Variants in HCN2 observed in about 807,000 individuals in gnomAD.
HCN2 encodes hyperpolarization activated cyclic nucleotide gated potassium and sodium channel 2, also known as potassium/sodium hyperpolarization-activated cyclic nucleotide-gated channel 2.
A neutral mutation model predicts 52.3 loss-of-function variants in HCN2; 20 were observed. That is an observed-to-expected ratio of 0.38 (90% CI 0.27 to 0.56). The LOEUF (loss-of-function observed/expected upper bound fraction) is 0.56, where lower values mean the gene tolerates loss of function less well. HCN2 is among the 20% of genes least tolerant of loss of function. HCN2 has a pLI of 0.71. For missense variants in HCN2, 981 were observed against 1,207.7 expected (o/e 0.81, Z 2.78); for synonymous variants, 694 against 537.0 (o/e 1.29, Z -4.04).
Position 603,808 on chromosome 19 carries a change from C to T in HCN2, c.897C>T (p.Ile299=). ...TWFVVDFVSS[I]PVDYIFLIVE... is the part of the protein sequence containing the mutation. Reference sequence around the variant, plus strand: ...TCGTGGTGGACTTCGTGTCCTCCATCCCCGTGGACTACATCTTCCTTATCG... The same window carrying T: ...TCGTGGTGGACTTCGTGTCCTCCATTCCCGTGGACTACATCTTCCTTATCG... Residue 299 remains isoleucine (I), a synonymous_variant, in exon 2 of 8, where the codon ATC becomes ATT. Transcript: ENST00000251287. The T allele has an allele frequency of 1.2e-6, 2 of 1,612,806 alleles. No homozygotes were observed. The highest frequency in any genetic ancestry group is 1.7e-6 in the Non-Finnish European group (2 of 1,179,864).
At chr19:611,210 T>C (rs1052660696) in intron 5 of HCN2, among the ~76,000 whole-genome samples, 3 of 152,180 alleles carry the variant, frequency 2.0e-5, no homozygotes, top group Non-Finnish European at 4.4e-5. Flanking sequence ...GAGATGTAGT[T>C]CAACCCACAA....
In HCN2 at chr19:605,860, C is replaced by A. The variant is rs144332608; in HGVS notation, c.1218+638C>A. Among the ~76,000 whole-genome samples the A allele has an allele frequency of 3.4e-3, 511 of 150,332 alleles. 25 individuals are homozygous for A. Among genetic ancestry groups the A allele is most frequent in the African/African-American group, 0.012 (470 of 39,726 alleles). On this transcript the variant is annotated intron_variant, in intron 3 of 7. Transcript: ENST00000251287. ...AGGCCCTTCAGGGGTGGGGACAAGA[C>A]CCCCTTACACGGGAGGACTCAGGCC... is the stretch of plus-strand genomic sequence containing the variant.
rs1344614868 is a variant in HCN2 at position 617,081 on chromosome 19, G to A, written c.*607G>A. 1.7e-5 allele frequency: 10 copies of A among 598,424 alleles called. No individual in the cohort carries two copies. Among genetic ancestry groups the A allele is most frequent in the South Asian group, 5.7e-5 (3 of 52,890 alleles). 37.1% of individuals were successfully genotyped at this position (598,424 alleles called of 1,614,324 possible). A position where few individuals can be genotyped will look rare whatever the true frequency, so the allele number is the denominator to read the frequency against. On this transcript the variant is annotated 3_prime_UTR_variant, in exon 8 of 8. Transcript: ENST00000251287. ...AATGTACTGACGAGCCGAGGCAGCA[G>A]TGCCCCCACCGTGGCCCCCCACGCC...
chr19:617,073 A>C lies in HCN2; in HGVS notation c.*599A>C. 1 of 586,810 alleles carries C rather than the reference A, an allele frequency of 1.7e-6. No homozygotes were observed. Among genetic ancestry groups the C allele is most frequent in the Non-Finnish European group, 3.0e-6 (1 of 328,262 alleles). The allele number at this position is 586,810 out of a possible 1,614,324, so 36.4% of individuals were successfully genotyped here. On this transcript the variant is annotated 3_prime_UTR_variant, in exon 8 of 8. Coordinates refer to ENST00000251287, the MANE Select transcript of HCN2 (RefSeq NM_001194.4). ...CCGTGATGAATGTACTGACGAGCCG[A>C]GGCAGCAGTGCCCCCACCGTGGCCC...
Position 590,029 on chromosome 19 carries a change from C to A in HCN2, c.84C>A (p.Pro28=), listed in dbSNP as rs1460647493. Residue 28 remains proline (P), a synonymous_variant, in exon 1 of 8, where the codon CCC becomes CCA. Transcript: ENST00000251287. This position sits in a 1 kb window ranked among gnomAD's most constrained non-coding sequence, Gnocchi z 7.2. The stretch of plus-strand genomic sequence containing the variant: ...CGGGGCCGCCGCCGCCGCCGCCGCC[C>A]GCGCCCCCCCAACAGCAGCCGCCGC... ...PAPGPPPPPP[P]APPQQQPPPP... 3.4e-6 allele frequency: 2 copies of A among 595,340 alleles called. No homozygotes were observed. The highest frequency in any genetic ancestry group is 6.9e-5 in the Admixed American group (1 of 14,396). 36.9% of individuals were successfully genotyped at this position (595,340 alleles called of 1,614,324 possible).
At chr19:602,183 C>T (rs1381268160) in intron 1 of HCN2, among the ~76,000 whole-genome samples, 1 of 120,882 alleles carries the variant, frequency 8.3e-6, no homozygotes, top group African/African-American at 3.1e-5. Context: ...GCGTGGACGC[C>T]CCACTCCCTC....
intron 1 of HCN2, among the ~76,000 whole-genome samples, chr19:599,207 C>G (rs1296449656): frequency 2.6e-5 from 4 of 152,246 alleles, no homozygotes; most frequent in African/African-American, 9.6e-5. Flanking sequence ...TCCTTTTGGA[C>G]CGTTTCCTCG....
At chr19:614,364 TGGGGGTGCA>T (rs1983807856) in intron 7 of HCN2, among the ~76,000 whole-genome samples, 1 of 152,048 alleles carries the variant, frequency 6.6e-6, no homozygotes. Context: ...TGCTGTGTGC[TGGGGGTGCA>T]GGGGACAGAC....
chr19:603,928 C>T lies in HCN2; in HGVS notation c.1017C>T (p.Arg339=), dbSNP rs764239250. ...TKILSLLRLL[R]LSRLIRYIHQ... ...TCCTCAGCCTCCTGCGGCTGCTGCGCCTCTCACGCCTGATCCGCTACATCC... is the reference window on the plus strand; with the variant it reads ...TCCTCAGCCTCCTGCGGCTGCTGCGTCTCTCACGCCTGATCCGCTACATCC... Residue 339 remains arginine (R), a synonymous_variant, in exon 2 of 8, where the codon CGC becomes CGT. Transcript: ENST00000251287. 9.3e-6 allele frequency: 15 copies of T among 1,610,366 alleles called. No homozygotes were observed. The Admixed American group carries it at 2.5e-4, about 27-fold the overall frequency.
intron 2 of HCN2, among the ~76,000 whole-genome samples, 190 bp downstream of exon 2, chr19:604,157 CAAGG>C: frequency 1.8e-5 from 1 of 54,956 alleles, no homozygotes; most frequent in Non-Finnish European, 3.1e-5. Flanking sequence ...TGGGTGGGGT[CAAGG>C]CCCCAGGGAT....
At chr19:605,277 G>T in intron 3 of HCN2, 55 bp downstream of exon 3, 1 of 1,572,340 alleles carries the variant, frequency 6.4e-7, no homozygotes, top group East Asian at 2.3e-5. Flanking sequence ...TACAGAGGGG[G>T]GACCCAGGCC....
In HCN2 at chr19:592,784, G is replaced by A. The variant is rs1052679534; in HGVS notation, c.632+2207G>A. Among the ~76,000 whole-genome samples, 2 of 152,110 alleles carry A rather than the reference G, an allele frequency of 1.3e-5. No individual in the cohort carries two copies. Among genetic ancestry groups the A allele is most frequent in the Admixed American group, 1.3e-4 (2 of 15,272 alleles). ...TATCTCAAAAGCTCCCTAAGCAGGC[G>A]GCCGGACCCTGCTGTGGAGGGTGTT... On this transcript the variant is annotated intron_variant, in intron 1 of 7. Coordinates refer to ENST00000251287, the MANE Select transcript of HCN2 (RefSeq NM_001194.4). This position sits in a 1 kb window ranked among gnomAD's most constrained non-coding sequence, Gnocchi z 4.8.
At chr19:598,965 C>T (rs866182041) in intron 1 of HCN2, among the ~76,000 whole-genome samples, 2 of 152,026 alleles carry the variant, frequency 1.3e-5, no homozygotes, top group African/African-American at 4.8e-5. Context: ...GGGGGTGTCC[C>T]GAAGGCTCAG....
At chr19:607,716 T>G (rs775522730) in intron 3 of HCN2, among the ~76,000 whole-genome samples, 1 of 152,222 alleles carries the variant, frequency 6.6e-6, no homozygotes, top group Non-Finnish European at 1.5e-5. Context: ...ACTCTCGCCC[T>G]TGGGGTCTCA....
intron 6 of HCN2, 53 bp from the exon 7 acceptor site, chr19:613,799 A>G: frequency 7.0e-7 from 1 of 1,432,944 alleles, no homozygotes; most frequent in Non-Finnish European, 9.1e-7. Flanking sequence ...CTGGGCGGGG[A>G]GGGCCGCGGC....
At chr19:613,214 C>A in intron 5 of HCN2, 34 bp from the exon 6 acceptor site, 5 of 1,580,390 alleles carry the variant, frequency 3.2e-6, no homozygotes, top group Non-Finnish European at 4.3e-6. Flanking sequence ...GGAGTGGGGT[C>A]CGCAGCGGAC....
Position 603,867 on chromosome 19 carries a change from C to T in HCN2, c.956C>T (p.Thr319Met). ...GGCATTGACTCCGAGGTCTACAAGA[C>T]GGCACGCGCCCTGCGCATCGTGCGC... ...EKGIDSEVYK[T>M]ARALRIVRFT... is the part of the protein sequence containing the mutation. The change falls in exon 2 of 8, where the codon ACG (threonine) becomes ATG (methionine). Residue 319 changes from threonine (T) to methionine (M), a missense_variant. Physicochemically the swap from Thr to Met is moderately conservative, Grantham distance 81. Coordinates refer to ENST00000251287, the MANE Select transcript of HCN2 (RefSeq NM_001194.4). 6.2e-7 allele frequency: 1 copy of T among 1,612,552 alleles called. No individual in the cohort carries two copies. The highest frequency in any genetic ancestry group is 8.5e-7 in the Non-Finnish European group (1 of 1,179,838).
At chr19:595,811 C>T (rs555765132) in intron 1 of HCN2, among the ~76,000 whole-genome samples, 1 of 152,348 alleles carries the variant, frequency 6.6e-6, no homozygotes, top group East Asian at 1.9e-4. Context: ...GCTGAGAGTG[C>T]CGTCTCCTAA....
In HCN2 at chr19:610,310, C is replaced by T. The variant is rs751544045; in HGVS notation, c.1489C>T (p.Arg497Cys). 31 of 1,613,690 alleles carry T rather than the reference C, an allele frequency of 1.9e-5. No homozygotes were observed. Among genetic ancestry groups the T allele is most frequent in the Admixed American group, 3.3e-5 (2 of 59,994 alleles). Residue 497 changes from arginine (R) to cysteine (C), a missense_variant, in exon 5 of 8, where the codon CGC (arginine) becomes TGC (cysteine). Physicochemically the swap from Arg to Cys is radical, Grantham distance 180. Transcript: ENST00000251287. ...CTTCCACAAGCTGCCAGCTGACTTC[C>T]GCCAGAAGATCCACGACTACTATGA... Reference protein sequence around the residue: ...MSFHKLPADFRQKIHDYYEHR... With the variant: ...MSFHKLPADFCQKIHDYYEHR...
Sources: gnomAD v4.1 joint callset for allele counts (sites outside exome capture counted in the v4.1 genomes callset) on GRCh38, gnomAD v4.1.1 for gene constraint, Gnocchi (gnomAD v3.1) non-coding constraint, MANE v1.5 for transcripts, NCBI Gene and HGNC (gene_info 2026-07-23, HGNC 2026-07-21) for gene names.